The following PHACTR3 variants were observed in gnomAD, a reference collection of about 807,000 sequenced individuals.
The protein encoded by PHACTR3 is protein phosphatase 1, regulatory subunit 123.
In PHACTR3, 16 loss-of-function variants were observed where a neutral mutation model predicts 66.8. The observed-to-expected ratio is 0.24, with a 90% CI of 0.16 to 0.36. The LOEUF (loss-of-function observed/expected upper bound fraction) is 0.36. Among genes scored for constraint, PHACTR3 ranks in the 10% least tolerant of loss-of-function variants. The pLI, the probability that PHACTR3 is intolerant of heterozygous loss-of-function variation, is 1.00. For missense variants in PHACTR3, 647 were observed against 719.9 expected, an observed-to-expected ratio of 0.90 and a Z score of 1.16; for synonymous variants, 323 against 292.1, an observed-to-expected ratio of 1.11 and a Z score of -1.08.
intron 8 of PHACTR3, among the ~76,000 whole-genome samples, chr20:59,814,439 G>A (rs929148232): frequency 6.6e-6 from 1 of 152,152 alleles, no homozygotes; most frequent in Admixed American, 6.5e-5. Context: ...TGTCCAAAGG[G>A]TCCCTATGCC....
chr20:59,627,057 G>C (rs571645724), intron 1 of PHACTR3: 9 of 152,282 alleles, frequency 5.9e-5, no homozygotes, highest in African/African-American at 1.9e-4. Context: ...CCAGTGCTGT[G>C]GATATTCTCC....
intron 1 of PHACTR3, among the ~76,000 whole-genome samples, chr20:59,587,946 A>T (rs2033084082): frequency 6.6e-6 from 1 of 152,086 alleles, no homozygotes; most frequent in African/African-American, 2.4e-5. Flanking sequence ...GAGTGATTCC[A>T]TGAGGCCCAT....
intron 1 of PHACTR3, among the ~76,000 whole-genome samples, chr20:59,737,690 T>C (rs1395966783): frequency 6.6e-6 from 1 of 152,170 alleles, no homozygotes; most frequent in Non-Finnish European, 1.5e-5. Context: ...TCTAAATTCA[T>C]ACCTTTATTC....
chr20:59,646,606 C>G (rs962819766), intron 1 of PHACTR3, among the ~76,000 whole-genome samples: 2 of 152,120 alleles, frequency 1.3e-5, no homozygotes, highest in African/African-American at 4.8e-5. Flanking sequence ...AGCCAGAGCC[C>G]AGGGAGTGAA....
At chr20:59,761,207 G>A (rs936571720) in intron 4 of PHACTR3, among the ~76,000 whole-genome samples, 1 of 152,094 alleles carries the variant, frequency 6.6e-6, no homozygotes, top group African/African-American at 2.4e-5. Context: ...CTGGGAGCCA[G>A]GGAGGGAGGG....
chr20:59,613,478 C>A (rs1168019773), intron 1 of PHACTR3, among the ~76,000 whole-genome samples: 1 of 152,042 alleles, frequency 6.6e-6, no homozygotes, highest in Non-Finnish European at 1.5e-5. Flanking sequence ...CCTCCTTGGT[C>A]TTAGGACATC....
chr20:59,598,681 A>C (rs985513803), intron 1 of PHACTR3, among the ~76,000 whole-genome samples: 1 of 152,214 alleles, frequency 6.6e-6, no homozygotes, highest in Non-Finnish European at 1.5e-5. Flanking sequence ...CACTCTGGGT[A>C]GTCTCTGGTC....
At chr20:59,809,214 C>T (rs1349187150) in intron 8 of PHACTR3, among the ~76,000 whole-genome samples, 2 of 152,038 alleles carry the variant, frequency 1.3e-5, no homozygotes, top group Non-Finnish European at 2.9e-5. Context: ...CAGGTGAGGC[C>T]GGCCCGGGGT....
chr20:59,579,348 A>G (rs966964317), intron 1 of PHACTR3, among the ~76,000 whole-genome samples: 5 of 152,224 alleles, frequency 3.3e-5, no homozygotes, highest in African/African-American at 9.6e-5. Context: ...CCAAGGAGAA[A>G]GCGGAATATT....
intron 1 of PHACTR3, among the ~76,000 whole-genome samples, chr20:59,582,187 C>A (rs1000479815): frequency 1.6e-4 from 25 of 152,222 alleles, no homozygotes; most frequent in African/African-American, 5.5e-4. Flanking sequence ...ACCAAACTTT[C>A]TTGACATAAG....
intron 1 of PHACTR3, among the ~76,000 whole-genome samples, chr20:59,683,838 C>G (rs537220507): frequency 6.6e-6 from 1 of 152,314 alleles, no homozygotes; most frequent in Non-Finnish European, 1.5e-5. Flanking sequence ...CCCTTTTACC[C>G]TGTTATGTGC....
chr20:59,747,309 T>C (rs117176564), intron 2 of PHACTR3, among the ~76,000 whole-genome samples: 3,601 of 152,290 alleles, frequency 0.024, 66 homozygotes, highest in Non-Finnish European at 0.036. Flanking sequence ...GAATCTCATC[T>C]GTGAGTGGAT....
In PHACTR3 at chr20:59,743,123, GC is replaced by G; in HGVS notation, c.140del (p.Pro47ArgfsTer16). 1 of 1,613,336 alleles carries G rather than the reference GC, an allele frequency of 6.2e-7. No homozygotes were observed. On this transcript the variant is annotated frameshift_variant, in exon 2 of 13. Coordinates refer to ENST00000371015, the MANE Select transcript of PHACTR3 (RefSeq NM_080672.5). LOFTEE classifies it high-confidence loss of function. Reference sequence around the variant, plus strand: ...GTCTTCCAGATGAGATGGACCAAACGCCCCCGGCGCGTCCTGAATATCTGGT... The same window carrying G: ...GTCTTCCAGATGAGATGGACCAAACGCCCCGGCGCGTCCTGAATATCTGGT... Reference protein sequence around the residue: ...GENPDEMDQTPPARPEYLVSG... With the variant: ...GENPDEMDQTXPARPEYLVSG...
At chr20:59,770,541 A>G (rs1484464387) in intron 5 of PHACTR3, among the ~76,000 whole-genome samples, 3 of 152,170 alleles carry the variant, frequency 2.0e-5, no homozygotes, top group Admixed American at 2.0e-4. Context: ...ACAGAAATTT[A>G]TTCGTCACTC....
intron 1 of PHACTR3, among the ~76,000 whole-genome samples, chr20:59,644,457 G>A (rs557235779): frequency 6.8e-4 from 104 of 152,096 alleles, no homozygotes; most frequent in Non-Finnish European, 1.2e-3. Flanking sequence ...TCCCTCATTC[G>A]CCTCCCCCAC....
chr20:59,822,339 G>A (rs2042071047), intron 8 of PHACTR3, among the ~76,000 whole-genome samples: 1 of 138,110 alleles, frequency 7.2e-6, no homozygotes, highest in African/African-American at 2.8e-5. Context: ...GCCTCTGTGT[G>A]CCACTCTCCG....
intron 1 of PHACTR3, among the ~76,000 whole-genome samples, chr20:59,656,839 TCTTAA>T (rs1163933559): frequency 6.6e-6 from 1 of 151,948 alleles, no homozygotes; most frequent in South Asian, 2.1e-4. Flanking sequence ...ACCATATACA[TCTTAA>T]CTTATCAGAA....
intron 11 of PHACTR3, chr20:59,843,382 A>C (rs1247202487): frequency 6.6e-6 from 1 of 152,152 alleles, no homozygotes; most frequent in African/African-American, 2.4e-5. Context: ...AAAGAACCTG[A>C]ATAGCCAAAG....
At chr20:59,725,330 TGAGCCCA>T (rs2038522392) in intron 1 of PHACTR3, among the ~76,000 whole-genome samples, 1 of 151,900 alleles carries the variant, frequency 6.6e-6, no homozygotes, top group Non-Finnish European at 1.5e-5. Flanking sequence ...CAGGTGGGTG[TGAGCCCA>T]GGTGTGCCGT....
Sources: allele counts gnomAD v4.1 joint callset (sites outside exome capture counted in the v4.1 genomes callset), GRCh38; gene constraint gnomAD v4.1.1; transcripts MANE v1.5; gene names NCBI Gene and HGNC (gene_info 2026-07-23, HGNC 2026-07-21).